The following TNIK variants were observed in gnomAD, a reference collection of about 807,000 sequenced individuals.
TNIK encodes TRAF2 and NCK-interacting protein kinase.
In TNIK, 49 loss-of-function variants were observed where a neutral mutation model predicts 191.3. That is an observed-to-expected ratio of 0.26 (90% CI 0.20 to 0.32). TNIK has a LOEUF of 0.32. Among genes scored for constraint, TNIK ranks in the 10% least tolerant of loss-of-function variants. The pLI is 1.00. For missense variants in TNIK, 1,155 were observed against 1,702.3 expected, an observed-to-expected ratio of 0.68 and a Z score of 5.66; for synonymous variants, 594 against 600.9, an observed-to-expected ratio of 0.99 and a Z score of 0.17.
intron 22 of TNIK, among the ~76,000 whole-genome samples, chr3:171,099,400 C>CAGTT (rs1723150467): frequency 6.6e-6 from 1 of 150,836 alleles, no homozygotes; most frequent in South Asian, 2.1e-4. Context: ...ATCTTGCTGA[C>CAGTT]AGTTATTTGT....
Position 171,245,910 on chromosome 3 carries a change from A to G in TNIK, c.124-17689T>C, listed in dbSNP as rs554358642. On this transcript the variant is annotated intron_variant, in intron 2 of 32. Transcript: ENST00000436636. Reference sequence around the variant, plus strand: ...TCCTATTGGAAATAAGAGAGAGAGAAAGAGAGAGAAACAGACAGACAGACA... The same window carrying G: ...TCCTATTGGAAATAAGAGAGAGAGAGAGAGAGAGAAACAGACAGACAGACA... Among the ~76,000 whole-genome samples the G allele has an allele frequency of 2.6e-5, 4 of 152,266 alleles. No homozygotes were observed. The East Asian group carries it at 5.8e-4, about 22-fold the overall frequency.
chr3:171,087,587 G>C, intron 23 of TNIK, 81 bp from the exon 24 acceptor site: 2 of 1,477,608 alleles, frequency 1.4e-6, no homozygotes, highest in Non-Finnish European at 1.8e-6. Flanking sequence ...CACAGCATAG[G>C]CATACGGGGC....
intron 2 of TNIK, among the ~76,000 whole-genome samples, chr3:171,346,733 G>A (rs1427721550): frequency 1.3e-5 from 2 of 151,778 alleles, no homozygotes; most frequent in East Asian, 3.9e-4. Context: ...TCCAGGAGCA[G>A]GAATGTGCAA....
chr3:171,088,414 T>C (rs1478373199), intron 23 of TNIK, among the ~76,000 whole-genome samples: 2 of 152,114 alleles, frequency 1.3e-5, no homozygotes, highest in Non-Finnish European at 2.9e-5. Context: ...TTTGTGTATT[T>C]AGTAGAGATG....
At chr3:171,240,650 C>A (rs1409244285) in intron 2 of TNIK, among the ~76,000 whole-genome samples, 5 of 152,186 alleles carry the variant, frequency 3.3e-5, no homozygotes, top group African/African-American at 1.2e-4. Flanking sequence ...CTTCCTTCTG[C>A]CACACTTGAA....
intron 23 of TNIK, 36 bp from the exon 24 acceptor site, chr3:171,087,542 G>C: frequency 2.5e-6 from 4 of 1,603,320 alleles, no homozygotes; most frequent in Non-Finnish European, 1.7e-6. Flanking sequence ...AGTTAGAGAG[G>C]GGGGAAAAAG....
chr3:171,286,035 A>G (rs1292741941), intron 2 of TNIK, among the ~76,000 whole-genome samples: 1 of 152,214 alleles, frequency 6.6e-6, no homozygotes, highest in Non-Finnish European at 1.5e-5. Flanking sequence ...GATGTCTAGT[A>G]CACCCTATGG....
intron 2 of TNIK, among the ~76,000 whole-genome samples, chr3:171,304,750 T>A (rs1324591956): frequency 6.6e-6 from 1 of 151,786 alleles, no homozygotes; most frequent in African/African-American, 2.4e-5. Context: ...CTCAGCAAAC[T>A]ATCACAAGGA....
chr3:171,439,712 C>G (rs1726517103), intron 1 of TNIK: 1 of 152,180 alleles, frequency 6.6e-6, no homozygotes, highest in South Asian at 2.1e-4. Context: ...ACCTGAGACT[C>G]TATCCTAGCC....
chr3:171,452,638 A>G lies in TNIK; in HGVS notation c.57+7369T>C, dbSNP rs376825793. ...TTGTCTTCCAGTGGGCCACCCCAGA[A>G]GCACACCCTTTCCCGCCCATCTATT... On this transcript the variant is annotated intron_variant, in intron 1 of 32. Transcript: ENST00000436636. Among the ~76,000 whole-genome samples the G allele has an allele frequency of 2.0e-4, 30 of 152,040 alleles. No homozygotes were observed. The South Asian group carries it at 6.0e-3, about 31-fold the overall frequency.
chr3:171,379,743 G>A (rs1577699899), intron 1 of TNIK, among the ~76,000 whole-genome samples: 4 of 152,290 alleles, frequency 2.6e-5, no homozygotes, highest in Admixed American at 2.6e-4. Context: ...GGACACAGTG[G>A]CTCACGCCTG....
intron 2 of TNIK, among the ~76,000 whole-genome samples, chr3:171,231,320 T>G (rs995931092): frequency 6.6e-6 from 1 of 151,846 alleles, no homozygotes; most frequent in Non-Finnish European, 1.5e-5. Flanking sequence ...TTGTTTTGTT[T>G]TTTTTTTTGT....
chr3:171,073,189 T>A (rs749226687), intron 28 of TNIK, among the ~76,000 whole-genome samples: 1 of 152,026 alleles, frequency 6.6e-6, no homozygotes, highest in South Asian at 2.1e-4. Context: ...ATGTTACTGA[T>A]ACAAAAATAG....
At chr3:171,440,262 C>G (rs1443743145) in intron 1 of TNIK, among the ~76,000 whole-genome samples, 1 of 152,122 alleles carries the variant, frequency 6.6e-6, no homozygotes, top group Non-Finnish European at 1.5e-5. Flanking sequence ...CCTTCCCTCG[C>G]CATCATAGTA....
At chr3:171,100,929 C>T (rs915198527) in intron 22 of TNIK, among the ~76,000 whole-genome samples, 1 of 151,962 alleles carries the variant, frequency 6.6e-6, no homozygotes, top group Non-Finnish European at 1.5e-5. Context: ...AAAATCATAA[C>T]GGGGTATATT....
At chr3:171,125,088 C>A (rs1405184253) in intron 17 of TNIK, among the ~76,000 whole-genome samples, 1 of 152,130 alleles carries the variant, frequency 6.6e-6, no homozygotes, top group Non-Finnish European at 1.5e-5. Context: ...GCTTCTTTTT[C>A]TTCTGGAATT....
chr3:171,379,604 A>G (rs888914558), intron 1 of TNIK, among the ~76,000 whole-genome samples: 1 of 152,216 alleles, frequency 6.6e-6, no homozygotes, highest in Admixed American at 6.5e-5. Context: ...TCCATAAGGC[A>G]AGTTAAGAAA....
chr3:171,200,200 G>A (rs779861426), intron 4 of TNIK, among the ~76,000 whole-genome samples: 3 of 152,018 alleles, frequency 2.0e-5, no homozygotes, highest in Non-Finnish European at 2.9e-5. Flanking sequence ...ACTCAACACC[G>A]CCTAAATAAA....
intron 2 of TNIK, among the ~76,000 whole-genome samples, chr3:171,301,852 A>G (rs1274221247): frequency 6.6e-6 from 1 of 152,208 alleles, no homozygotes. Flanking sequence ...TGGTACTGTG[A>G]CATGTTCTTG....
Sources: gnomAD v4.1 joint callset for allele counts (sites outside exome capture counted in the v4.1 genomes callset) on GRCh38, gnomAD v4.1.1 for gene constraint, MANE v1.5 for transcripts, NCBI Gene and HGNC (gene_info 2026-07-23, HGNC 2026-07-21) for gene names.